Variants in CEP164 observed in about 807,000 individuals in gnomAD.
CEP164 encodes centrosomal protein 164.
Under a neutral mutation model 182.7 loss-of-function variants are expected in CEP164, and 162 were observed. That is an observed-to-expected ratio of 0.89 (90% CI 0.78 to 1.01). CEP164 has a LOEUF of 1.01. CEP164 is among the 50% of genes least tolerant of loss of function. The pLI is 0.00. For missense variants in CEP164, 1,735 were observed against 1,790.4 expected, an observed-to-expected ratio of 0.97 and a Z score of 0.56; for synonymous variants, 661 against 690.0, an observed-to-expected ratio of 0.96 and a Z score of 0.66.
chr11:117,373,469 C>G (rs1027674971), intron 9 of CEP164, among the ~76,000 whole-genome samples: 2 of 152,196 alleles, frequency 1.3e-5, no homozygotes, highest in Non-Finnish European at 2.9e-5. Flanking sequence ...ACCGTCTCTG[C>G]TACTCTTGGC....
intron 4 of CEP164, among the ~76,000 whole-genome samples, chr11:117,346,460 T>C (rs2038909011): frequency 6.6e-6 from 1 of 151,800 alleles, no homozygotes; most frequent in African/African-American, 2.4e-5. Flanking sequence ...GGTTTCGCCA[T>C]GTTGATCAGG....
chr11:117,369,296 G>A (rs1449945804), intron 8 of CEP164, among the ~76,000 whole-genome samples: 1 of 152,180 alleles, frequency 6.6e-6, no homozygotes, highest in Non-Finnish European at 1.5e-5. Context: ...CGCTCCTTAT[G>A]GGGTAAGCAC....
chr11:117,380,087 T>C (rs2043157907), intron 11 of CEP164, among the ~76,000 whole-genome samples: 1 of 152,002 alleles, frequency 6.6e-6, no homozygotes, highest in African/African-American at 2.4e-5. Context: ...CCTTTTTGTC[T>C]CTGGCACAGC....
At chr11:117,400,571 T>G (rs1309470706) in intron 27 of CEP164, among the ~76,000 whole-genome samples, 2 of 152,232 alleles carry the variant, frequency 1.3e-5, no homozygotes, top group South Asian at 4.1e-4. Context: ...GTAAATTACT[T>G]TGGGCAGTAT....
chr11:117,392,887 G>A, intron 19 of CEP164, 117 bp from the exon 20 acceptor site: 1 of 1,468,890 alleles, frequency 6.8e-7, no homozygotes, highest in African/African-American at 1.4e-5. Flanking sequence ...TGATGTGCAT[G>A]TGTTGTGTGT....
In CEP164 at chr11:117,397,192, G is replaced by T. The variant is rs753895198; in HGVS notation, c.3380G>T (p.Arg1127Leu). Residue 1127 changes from arginine (R) to leucine (L), a missense_variant, in exon 27 of 33, where the codon CGG becomes CTG. Transcript: ENST00000278935. ...LVQQTRSMRR[R>L]QTALKAAQQH... ...CAGCAGACACGCTCCATGCGGAGGC[G>T]GCAGACAGCTCTGAAAGCTGCCCAG... 1.2e-6 allele frequency: 2 copies of T among 1,614,200 alleles called. No individual in the cohort carries two copies. The highest frequency in any genetic ancestry group is 2.2e-5 in the South Asian group (2 of 91,084).
chr11:117,406,639 T>A (rs957278292), intron 27 of CEP164, among the ~76,000 whole-genome samples: 5 of 152,212 alleles, frequency 3.3e-5, no homozygotes, highest in African/African-American at 1.2e-4. Context: ...TTGAACACAC[T>A]TAGCAAAAGG....
chr11:117,353,351 A>G (rs911638339), intron 5 of CEP164, among the ~76,000 whole-genome samples: 3 of 152,202 alleles, frequency 2.0e-5, no homozygotes, highest in African/African-American at 7.2e-5. Flanking sequence ...CAGATGGAGA[A>G]AAGAGGGCAG....
Position 117,392,511 on chromosome 11 carries a change from C to T in CEP164, c.2377C>T (p.Gln793Ter). 6.2e-7 allele frequency: 1 copy of T among 1,614,034 alleles called. No individual in the cohort carries two copies. Among genetic ancestry groups the T allele is most frequent in the Non-Finnish European group, 8.5e-7 (1 of 1,179,982 alleles). ...AKHREVVSSL[Q>*]KKIQEAQQKE... ...GCCTCCTCAGGTGGTCTCCAGCCTC[C>T]AGAAGAAGATACAGGAAGCTCAACA... The change falls in exon 19 of 33, where the codon CAG becomes TAG. Residue 793 changes from glutamine to a stop codon, truncating the protein, a stop_gained. Coordinates refer to ENST00000278935, the MANE Select transcript of CEP164 (RefSeq NM_014956.5). LOFTEE classifies it high-confidence loss of function.
intron 13 of CEP164, 77 bp downstream of exon 13, chr11:117,381,945 G>A: frequency 1.6e-6 from 2 of 1,266,132 alleles, no homozygotes; most frequent in Non-Finnish European, 2.1e-6. Context: ...GTGTGCTAGT[G>A]CTGAGAGAGA....
chr11:117,337,280 C>G (rs2037311385), intron 2 of CEP164, among the ~76,000 whole-genome samples: 1 of 152,210 alleles, frequency 6.6e-6, no homozygotes, highest in Non-Finnish European at 1.5e-5. Context: ...ACAGTGGGCC[C>G]CATCTGCTGC....
rs756221607 is a variant in CEP164 at position 117,375,729 on chromosome 11, A to G, written c.1255A>G (p.Ile419Val). Reference protein sequence around the residue: ...HGLDFGFRSRISEHLLDVDVL... With the variant: ...HGLDFGFRSRVSEHLLDVDVL... Reference sequence around the variant, plus strand: ...CCAGGACTTCGGTTTTCGCAGCCGGATCTCGGAGCACCTGCTGGATGTTGA... The same window carrying G: ...CCAGGACTTCGGTTTTCGCAGCCGGGTCTCGGAGCACCTGCTGGATGTTGA... Residue 419 changes from isoleucine to valine, a missense_variant, in exon 11 of 33, where the codon ATC (isoleucine) becomes GTC (valine). Transcript: ENST00000278935. 1.2e-6 allele frequency: 2 copies of G among 1,613,956 alleles called. No homozygotes were observed. Among genetic ancestry groups the G allele is most frequent in the Non-Finnish European group, 1.7e-6 (2 of 1,180,030 alleles).
chr11:117,392,634 G>T lies in CEP164; in HGVS notation c.2493+7G>T, dbSNP rs1412226837. The T allele has an allele frequency of 1.9e-6, 3 of 1,613,266 alleles. No individual in the cohort carries two copies. The highest frequency in any genetic ancestry group is 2.5e-6 in the Non-Finnish European group (3 of 1,179,664). ...GGCTGGGTATGAGCACGAGGTGAGT[G>T]CTGCTCTGTCTTCCACAGTCGTGTG... On this transcript the variant is annotated splice_region_variant and intron_variant, in intron 19 of 32. Coordinates refer to ENST00000278935, the MANE Select transcript of CEP164 (RefSeq NM_014956.5).
Position 117,381,741 on chromosome 11 carries a change from C to A in CEP164, c.1450C>A (p.Pro484Thr), listed in dbSNP as rs2043337683. The A allele has an allele frequency of 6.2e-7, 1 of 1,609,782 alleles. No individual in the cohort carries two copies. Among genetic ancestry groups the A allele is most frequent in the Non-Finnish European group, 8.5e-7 (1 of 1,178,314 alleles). The stretch of plus-strand genomic sequence containing the variant: ...TCCACACGAGGAGCGGGCCCAGAGT[C>A]CCCCTCGCAGCCTGGCCACTGAAGA... ...PLPHEERAQS[P>T]PRSLATEEEP... The change falls in exon 13 of 33, where the codon CCC (proline) becomes ACC (threonine). Residue 484 changes from proline to threonine, a missense_variant. Physicochemically the swap from Pro to Thr is conservative, Grantham distance 38 (BLOSUM62 -1). Transcript: ENST00000278935.
chr11:117,408,630 G>A (rs969977056), intron 28 of CEP164: 2 of 481,832 alleles, frequency 4.2e-6, no homozygotes, highest in Admixed American at 6.7e-5. Context: ...GGGCCCCAGA[G>A]GAGTCTACTC....
intron 15 of CEP164, 85 bp from the exon 16 acceptor site, chr11:117,390,692 A>G (rs2044532544): frequency 3.9e-6 from 6 of 1,537,704 alleles, no homozygotes; most frequent in South Asian, 1.2e-5. Flanking sequence ...CAACAGGGCT[A>G]TTGGAGGCTG....
intron 8 of CEP164, among the ~76,000 whole-genome samples, chr11:117,366,420 T>C (rs566104835): frequency 6.6e-6 from 1 of 152,228 alleles, no homozygotes; most frequent in African/African-American, 2.4e-5. Flanking sequence ...CTCCCTCCTC[T>C]CCTGCTTTCC....
At chr11:117,375,656 G>A in intron 10 of CEP164, 52 bp from the exon 11 acceptor site, 2 of 1,504,498 alleles carry the variant, frequency 1.3e-6, no homozygotes, top group Non-Finnish European at 9.3e-7. Context: ...GGCCTGGTGG[G>A]TGTTGACTGT....
chr11:117,405,483 C>T (rs1438612302), intron 27 of CEP164, among the ~76,000 whole-genome samples: 1 of 152,138 alleles, frequency 6.6e-6, no homozygotes, highest in African/African-American at 2.4e-5. Context: ...CGGCTGCACC[C>T]ACTGTCTAAC....
Sources: allele counts gnomAD v4.1 joint callset (sites outside exome capture counted in the v4.1 genomes callset), GRCh38; gene constraint gnomAD v4.1.1; transcripts MANE v1.5; gene names NCBI Gene and HGNC (gene_info 2026-07-23, HGNC 2026-07-21).